Variants in CYP19A1 observed in about 807,000 individuals in gnomAD.
CYP19A1 encodes the protein cytochrome P450 family 19 subfamily A member 1.
Under a neutral mutation model 44.4 loss-of-function variants are expected in CYP19A1, and 32 were observed. The observed-to-expected ratio is 0.72, with a 90% CI of 0.54 to 0.97. The LOEUF (loss-of-function observed/expected upper bound fraction) is 0.97. CYP19A1 is among the 50% of genes least tolerant of loss of function. The pLI, the probability that CYP19A1 is intolerant of heterozygous loss-of-function variation, is 0.00. For missense variants in CYP19A1, 598 were observed against 637.8 expected (o/e 0.94, Z 0.67); for synonymous variants, 212 against 215.6 (o/e 0.98, Z 0.14).
At chr15:51,283,501 G>C (rs1307019069) in intron 1 of CYP19A1, among the ~76,000 whole-genome samples, 2 of 152,324 alleles carry the variant, frequency 1.3e-5, no homozygotes, top group South Asian at 2.1e-4. Context: ...ATACGTTAAG[G>C]CTTGCGATGG....
At chr15:51,265,657 C>G (rs2140943086) in intron 1 of CYP19A1, among the ~76,000 whole-genome samples, 1 of 152,240 alleles carries the variant, frequency 6.6e-6, no homozygotes, top group African/African-American at 2.4e-5. Context: ...CTTTCGTTGT[C>G]TTTATTTAAA....
chr15:51,267,381 G>T (rs1014234806), intron 1 of CYP19A1, among the ~76,000 whole-genome samples: 1 of 152,142 alleles, frequency 6.6e-6, no homozygotes, highest in African/African-American at 2.4e-5. Flanking sequence ...CCTTTCTCCC[G>T]TGGTCTTTCT....
At chr15:51,278,412 C>T (rs1188117509) in intron 1 of CYP19A1, among the ~76,000 whole-genome samples, 1 of 152,176 alleles carries the variant, frequency 6.6e-6, no homozygotes, top group Non-Finnish European at 1.5e-5. Context: ...TTGCTGGGCT[C>T]TCTGAAACTT....
chr15:51,302,941 G>T (rs1873189483), intron 1 of CYP19A1, among the ~76,000 whole-genome samples: 1 of 152,232 alleles, frequency 6.6e-6, no homozygotes, highest in African/African-American at 2.4e-5. Flanking sequence ...AAGGAGGCTT[G>T]CAGGCATGGC....
intron 9 of CYP19A1, 37 bp downstream of exon 9, chr15:51,212,283 A>T: frequency 7.0e-7 from 1 of 1,424,294 alleles, no homozygotes. Flanking sequence ...TGACATTTTC[A>T]AGAGTGGCAC....
In CYP19A1 at chr15:51,239,749, C is replaced by T. The variant is rs554833364; in HGVS notation, c.146-2740G>A. 1.7e-4 allele frequency among the ~76,000 whole-genome samples: 26 copies of T among 152,264 alleles called. 1 individual carries two copies. Among genetic ancestry groups the T allele is most frequent in the African/African-American group, 5.8e-4 (24 of 41,554 alleles). ...CGAGGAGCTTCTGGAACAAGGGTAACATCCGCTTTGTCAGGCTGCATTGTG... is the reference window on the plus strand; with the variant it reads ...CGAGGAGCTTCTGGAACAAGGGTAATATCCGCTTTGTCAGGCTGCATTGTG... On this transcript the variant is annotated intron_variant, in intron 2 of 9. Coordinates refer to ENST00000396402, the MANE Select transcript of CYP19A1 (RefSeq NM_000103.4).
chr15:51,256,365 C>T (rs185131228), intron 1 of CYP19A1, among the ~76,000 whole-genome samples: 11 of 152,274 alleles, frequency 7.2e-5, no homozygotes, highest in East Asian at 3.9e-4. Context: ...TCCATTTCTG[C>T]GGAAATCTGA....
intron 1 of CYP19A1, among the ~76,000 whole-genome samples, chr15:51,324,679 GCAAA>G (rs937658115): frequency 1.3e-5 from 2 of 152,208 alleles, no homozygotes; most frequent in African/African-American, 4.8e-5. Context: ...AATCCAACTA[GCAAA>G]CAAACACATA....
chr15:51,263,846 A>G (rs1043732700), intron 1 of CYP19A1, among the ~76,000 whole-genome samples: 29 of 152,182 alleles, frequency 1.9e-4, no homozygotes, highest in Non-Finnish European at 4.4e-5. Context: ...AGCACAGTAA[A>G]CCTGCTAGGC....
chr15:51,333,827 T>C (rs1272693719), intron 1 of CYP19A1, among the ~76,000 whole-genome samples: 1 of 152,162 alleles, frequency 6.6e-6, no homozygotes, highest in East Asian at 1.9e-4. Context: ...AACCAGTCTC[T>C]CTGGAGAGGT....
At chr15:51,282,496 A>C (rs929461418) in intron 1 of CYP19A1, among the ~76,000 whole-genome samples, 2 of 152,154 alleles carry the variant, frequency 1.3e-5, no homozygotes, top group Non-Finnish European at 1.5e-5. Context: ...TGACCCACAC[A>C]TTCTCACCAC....
chr15:51,255,243 C>T (rs991475664), intron 1 of CYP19A1, among the ~76,000 whole-genome samples: 4 of 152,140 alleles, frequency 2.6e-5, no homozygotes, highest in African/African-American at 7.2e-5. Flanking sequence ...TGGGGGCAAA[C>T]GCTATTTGTT....
At chr15:51,262,156 AG>A (rs1225009721) in intron 1 of CYP19A1, among the ~76,000 whole-genome samples, 1 of 152,248 alleles carries the variant, frequency 6.6e-6, no homozygotes, top group Non-Finnish European at 1.5e-5. Context: ...CAATAGCATG[AG>A]CGATCTGTGC....
intron 1 of CYP19A1, among the ~76,000 whole-genome samples, chr15:51,246,292 C>T (rs1282474276): frequency 6.6e-6 from 1 of 152,118 alleles, no homozygotes; most frequent in African/African-American, 2.4e-5. Context: ...TGCACATGGC[C>T]CTCAGGTGCT....
intron 4 of CYP19A1, 71 bp from the exon 5 acceptor site, chr15:51,222,596 T>C: frequency 7.6e-7 from 1 of 1,308,042 alleles, no homozygotes; most frequent in South Asian, 1.2e-5. Flanking sequence ...CCATTTTGGC[T>C]TTTTATGTTG....
intron 1 of CYP19A1, among the ~76,000 whole-genome samples, chr15:51,335,345 T>C (rs2036760316): frequency 6.6e-6 from 1 of 152,182 alleles, no homozygotes; most frequent in African/African-American, 2.4e-5. Flanking sequence ...CCAGCCCGAC[T>C]TGGACCAAAA....
intron 1 of CYP19A1, among the ~76,000 whole-genome samples, chr15:51,255,334 A>G (rs2034473373): frequency 6.6e-6 from 1 of 152,238 alleles, no homozygotes; most frequent in Non-Finnish European, 1.5e-5. Context: ...AAGGGAGGGT[A>G]GCCCCAGTGC....
chr15:51,300,976 A>G (rs1282282817), intron 1 of CYP19A1, among the ~76,000 whole-genome samples: 1 of 152,198 alleles, frequency 6.6e-6, no homozygotes, highest in East Asian at 1.9e-4. Flanking sequence ...AGAAGTGAAT[A>G]GGAGGCTAAG....
chr15:51,304,352 A>G (rs1266306495), intron 1 of CYP19A1, among the ~76,000 whole-genome samples: 2 of 152,194 alleles, frequency 1.3e-5, no homozygotes, highest in Non-Finnish European at 2.9e-5. Context: ...TTAGCTAGTC[A>G]GTAAATCTTG....
Sources: allele counts gnomAD v4.1 joint callset (sites outside exome capture counted in the v4.1 genomes callset), GRCh38; gene constraint gnomAD v4.1.1; transcripts MANE v1.5; gene names NCBI Gene and HGNC (gene_info 2026-07-23, HGNC 2026-07-21).